The following LINC00305 variants were observed in gnomAD, a reference collection of about 807,000 sequenced individuals.
LINC00305 encodes the protein long intergenic non-protein coding RNA 305.
chr18:64,138,282 A>T (rs559060579), intron 1 of LINC00305, among the ~76,000 whole-genome samples: 76 of 152,306 alleles, frequency 5.0e-4, no homozygotes, highest in African/African-American at 1.8e-3. Flanking sequence ...GGAAAAAAAT[A>T]AAAAAGTCCA....
At chr18:64,144,905 T>A (rs536301872) in intron 1 of LINC00305, among the ~76,000 whole-genome samples, 6 of 152,188 alleles carry the variant, frequency 3.9e-5, no homozygotes, top group African/African-American at 1.4e-4. Flanking sequence ...TGTTCATACC[T>A]CTGGGAGTGG....
At chr18:64,143,688 ATATTATG>A (rs2051480626) in intron 1 of LINC00305, among the ~76,000 whole-genome samples, 1 of 136,990 alleles carries the variant, frequency 7.3e-6, no homozygotes, top group African/African-American at 2.7e-5. Flanking sequence ...GTATGTCCAC[ATATTATG>A]CGTACATGTA....
At chr18:64,135,450 A>G (rs1396289207) in intron 1 of LINC00305, among the ~76,000 whole-genome samples, 1 of 152,160 alleles carries the variant, frequency 6.6e-6, no homozygotes, top group East Asian at 1.9e-4. Context: ...AGAAACACAA[A>G]TGTACATGGT....
chr18:64,141,230 G>A (rs1311417983), intron 1 of LINC00305, among the ~76,000 whole-genome samples: 1 of 151,872 alleles, frequency 6.6e-6, no homozygotes, highest in African/African-American at 2.4e-5. Flanking sequence ...GAGTATGGAC[G>A]AATAAAGAAA....
Position 64,084,192 on chromosome 18 carries a change from A to G in LINC00305, n.541-3790T>C, listed in dbSNP as rs73962133. 5.2e-3 allele frequency among the ~76,000 whole-genome samples: 797 copies of G among 152,222 alleles called. 6 individuals are homozygous for G. The highest frequency in any genetic ancestry group is 0.019 in the African/African-American group (775 of 41,534). On this transcript the variant is annotated intron_variant and non_coding_transcript_variant, in intron 3 of 3. Coordinates refer to ENST00000666468, the Ensembl canonical transcript of LINC00305. The stretch of plus-strand genomic sequence containing the variant: ...TTTCTACATTTAAATAGCTGACTGA[A>G]TTTTCTTGTCTCTTTTCTCATGTAT...
intron 1 of LINC00305, among the ~76,000 whole-genome samples, chr18:64,143,863 CA>C (rs1335375015): frequency 6.6e-6 from 1 of 151,724 alleles, no homozygotes; most frequent in Non-Finnish European, 1.5e-5. Context: ...TACATACATA[CA>C]TACATATATG....
intron 1 of LINC00305, among the ~76,000 whole-genome samples, chr18:64,101,475 C>A (rs533507066): frequency 6.6e-6 from 1 of 152,284 alleles, no homozygotes; most frequent in Admixed American, 6.5e-5. Context: ...AGCCACATCA[C>A]TCCAATCTCT....
At chr18:64,114,591 C>T (rs947605886) in intron 1 of LINC00305, among the ~76,000 whole-genome samples, 4 of 152,188 alleles carry the variant, frequency 2.6e-5, no homozygotes, top group African/African-American at 9.7e-5. Context: ...CTCTATCACC[C>T]AGGCTAGAGT....
chr18:64,085,151 C>T (rs898816621), intron 3 of LINC00305, among the ~76,000 whole-genome samples: 3 of 152,210 alleles, frequency 2.0e-5, no homozygotes, highest in African/African-American at 7.2e-5. Flanking sequence ...TAAACTGACT[C>T]CTTAAGCTTC....
At chr18:64,143,125 C>A (rs796691009) in intron 1 of LINC00305, among the ~76,000 whole-genome samples, 9 of 152,174 alleles carry the variant, frequency 5.9e-5, no homozygotes, top group African/African-American at 2.2e-4. Context: ...TGAAACCAAC[C>A]AGTAAAATTG....
intron 1 of LINC00305, among the ~76,000 whole-genome samples, chr18:64,135,758 A>G (rs1232445784): frequency 6.6e-6 from 1 of 151,642 alleles, no homozygotes; most frequent in Non-Finnish European, 1.5e-5. Context: ...GCAATTTTTT[A>G]TATTTTTAGT....
intron 3 of LINC00305, among the ~76,000 whole-genome samples, chr18:64,093,939 C>A (rs192222556): frequency 1.3e-5 from 2 of 152,194 alleles, no homozygotes; most frequent in Non-Finnish European, 2.9e-5. Context: ...GAAAGAAGTG[C>A]ACACAAAATA....
intron 3 of LINC00305, among the ~76,000 whole-genome samples, chr18:64,096,196 G>A (rs974805293): frequency 2.6e-5 from 4 of 151,934 alleles, no homozygotes; most frequent in Non-Finnish European, 5.9e-5. Flanking sequence ...ACTTGATAAA[G>A]TGATATGAAG....
At chr18:64,087,358 A>G (rs2144892848) in intron 3 of LINC00305, among the ~76,000 whole-genome samples, 1 of 152,336 alleles carries the variant, frequency 6.6e-6, no homozygotes, top group Non-Finnish European at 1.5e-5. Flanking sequence ...CTGAATTGGA[A>G]TCATCAAGCC....
chr18:64,136,797 T>C (rs1476096252), intron 1 of LINC00305, among the ~76,000 whole-genome samples: 1 of 152,156 alleles, frequency 6.6e-6, no homozygotes, highest in East Asian at 1.9e-4. Flanking sequence ...TTCTAGGCCC[T>C]GTTGTGCCTT....
At chr18:64,096,775 G>T (rs998056352) in intron 3 of LINC00305, among the ~76,000 whole-genome samples, 1 of 151,794 alleles carries the variant, frequency 6.6e-6, no homozygotes, top group Non-Finnish European at 1.5e-5. Flanking sequence ...AACGTAGTAA[G>T]TTAAAGAACA....
chr18:64,111,762 C>T (rs945924579), intron 1 of LINC00305, among the ~76,000 whole-genome samples: 11 of 152,182 alleles, frequency 7.2e-5, no homozygotes, highest in Admixed American at 3.9e-4. Flanking sequence ...GTCGTCCAAG[C>T]TCCTTCAGGA....
At chr18:64,108,771 G>T (rs780851693) in intron 1 of LINC00305, among the ~76,000 whole-genome samples, 113 of 152,240 alleles carry the variant, frequency 7.4e-4, no homozygotes, top group African/African-American at 2.6e-3. Flanking sequence ...TGTACAGTTG[G>T]CTCCAATACA....
chr18:64,111,639 T>C (rs994307169), intron 1 of LINC00305, among the ~76,000 whole-genome samples: 13 of 117,022 alleles, frequency 1.1e-4, no homozygotes, highest in Non-Finnish European at 2.2e-4. Context: ...CCTGTTACCG[T>C]GTATGCTGCC....
Sources: gnomAD v4.1 joint callset for allele counts (sites outside exome capture counted in the v4.1 genomes callset) on GRCh38, gnomAD v4.1.1 for gene constraint, MANE v1.5 for transcripts, NCBI Gene and HGNC (gene_info 2026-07-23, HGNC 2026-07-21) for gene names.